The following SIRPB1 variants were observed in gnomAD, a reference collection of about 807,000 sequenced individuals.
The protein encoded by SIRPB1 is signal-regulatory protein beta-1.
A neutral mutation model predicts 34.1 loss-of-function variants in SIRPB1; 28 were observed. The ratio of observed to expected loss-of-function variants is 0.82; its 90% CI spans 0.61 to 1.12. The LOEUF (loss-of-function observed/expected upper bound fraction) is 1.12, where lower values mean the gene tolerates loss of function less well. Ranked by LOEUF, SIRPB1 falls within the 50% of genes most tolerant of loss-of-function variation. The probability of loss-of-function intolerance (pLI) is 0.00; values close to 1 mark genes in which losing one functional copy is unlikely to be tolerated. For missense variants in SIRPB1, 499 were observed against 507.0 expected (o/e 0.98, Z 0.15); for synonymous variants, 211 against 203.8 (o/e 1.04, Z -0.30).
chr20:1,601,765 T>C, intron 1 of SIRPB1, among the ~76,000 whole-genome samples: 1 of 48,802 alleles, frequency 2.0e-5, no homozygotes, highest in Admixed American at 1.4e-4. Context: ...GATTCATCTC[T>C]TCCGGCTCCT....
In SIRPB1 at chr20:1,592,045, C is replaced by T. The variant is rs1272298269; in HGVS notation, c.77-13351G>A. On this transcript the variant is annotated intron_variant, in intron 1 of 5. Transcript: ENST00000381605. ...TTCTCTCTCCTGCTGCCATGTAAGA[C>T]ATTCCTTGTTTCCCCTTCACCTTCT... Among the ~76,000 whole-genome samples, 2 of 49,570 alleles carry T rather than the reference C, an allele frequency of 4.0e-5. 1 individual carries two copies. The highest frequency in any genetic ancestry group is 2.7e-4 in the African/African-American group (2 of 7,546). The allele number at this position is 49,570 out of a possible 152,430, so 32.5% of individuals were successfully genotyped here. A position where few individuals can be genotyped will look rare whatever the true frequency, so the allele number is the denominator to read the frequency against.
At chr20:1,570,231 G>C (rs2091207093) in intron 4 of SIRPB1, among the ~76,000 whole-genome samples, 1 of 152,216 alleles carries the variant, frequency 6.6e-6, no homozygotes, top group African/African-American at 2.4e-5. Flanking sequence ...GTGCAGAGTG[G>C]TTGTGATTAT....
At chr20:1,572,984 C>A (rs548440301) in intron 2 of SIRPB1, among the ~76,000 whole-genome samples, 2 of 147,820 alleles carry the variant, frequency 1.4e-5, no homozygotes, top group Admixed American at 1.3e-4. Flanking sequence ...TGAACTGTTT[C>A]CAAAAACAAC....
intron 4 of SIRPB1, among the ~76,000 whole-genome samples, chr20:1,568,944 T>C (rs1046369408): frequency 3.3e-5 from 5 of 152,004 alleles, no homozygotes; most frequent in African/African-American, 7.2e-5. Flanking sequence ...AACTCTAGCA[T>C]GACTGATGAA....
chr20:1,614,439 C>G lies in SIRPB1; in HGVS notation c.76+5430G>C, dbSNP rs150131104. Among the ~76,000 whole-genome samples, 9 of 152,294 alleles carry G rather than the reference C, an allele frequency of 5.9e-5. No homozygotes were observed. The East Asian group carries it at 1.7e-3, about 29-fold the overall frequency. ...GCTGGTCCCTGCCACAATTCCTCTT[C>G]TTGTCCTCCTCTACTGTGACCTAGT... is the stretch of plus-strand genomic sequence containing the variant. On this transcript the variant is annotated intron_variant, in intron 1 of 5. Transcript: ENST00000381605.
At position 1,564,683 on chromosome 20, in the gene SIRPB1, G is replaced by C. The variant is rs890668885; in HGVS notation, c.*817C>G. 5.3e-6 allele frequency: 2 copies of C among 376,406 alleles called. No individual in the cohort carries two copies. The highest frequency in any genetic ancestry group is 9.4e-6 in the Non-Finnish European group (2 of 212,508). The allele number at this position is 376,406 out of a possible 1,614,324, so 23.3% of individuals were successfully genotyped here. ...CCAATTGTTAAATTTCAGGAATCTT[G>C]CAATCTGGTTGTTTAACTGTTGGCA... On this transcript the variant is annotated 3_prime_UTR_variant, in exon 6 of 6. Transcript: ENST00000381605.
chr20:1,601,833 C>G lies in SIRPB1; in HGVS notation c.76+18036G>C, dbSNP rs1188889193. 4.1e-5 allele frequency among the ~76,000 whole-genome samples: 2 copies of G among 48,266 alleles called. 1 individual carries two copies. The highest frequency in any genetic ancestry group is 2.8e-4 in the African/African-American group (2 of 7,262). The allele number at this position is 48,266 out of a possible 152,430, so 31.7% of individuals were successfully genotyped here. On this transcript the variant is annotated intron_variant, in intron 1 of 5. Coordinates refer to ENST00000381605, the MANE Select transcript of SIRPB1 (RefSeq NM_006065.5). ...ATGAGGAGCAGGCATAGGAGAACTT[C>G]CAAGGTGAAAAAGGAAGGCAGACTG...
At chr20:1,614,175 T>C (rs1437032205) in intron 1 of SIRPB1, among the ~76,000 whole-genome samples, 2 of 152,074 alleles carry the variant, frequency 1.3e-5, no homozygotes, top group Non-Finnish European at 2.9e-5. Flanking sequence ...AAGGGAGAAA[T>C]TACGATATTC....
chr20:1,566,398 C>G, intron 4 of SIRPB1, 131 bp from the exon 5 acceptor site: 2 of 567,896 alleles, frequency 3.5e-6, no homozygotes, highest in South Asian at 4.4e-5. Context: ...GCATCCTGCT[C>G]TGGCTTTCCT....
intron 4 of SIRPB1, among the ~76,000 whole-genome samples, chr20:1,567,765 G>A (rs139109888): frequency 1.1e-4 from 17 of 152,256 alleles, no homozygotes; most frequent in South Asian, 8.3e-4. Context: ...GGAAATGGTC[G>A]TTATAAGAAC....
At chr20:1,568,655 G>A (rs575856833) in intron 4 of SIRPB1, among the ~76,000 whole-genome samples, 129 of 152,250 alleles carry the variant, frequency 8.5e-4, no homozygotes, top group Middle Eastern at 3.4e-3. Flanking sequence ...CCAAACAGCA[G>A]GGACTCTATG....
chr20:1,615,001 A>G (rs1431383603), intron 1 of SIRPB1, among the ~76,000 whole-genome samples: 1 of 152,198 alleles, frequency 6.6e-6, no homozygotes, highest in Admixed American at 6.5e-5. Flanking sequence ...AGAGCACAAG[A>G]TGATATAACA....
chr20:1,617,039 A>G (rs939703820), intron 1 of SIRPB1, among the ~76,000 whole-genome samples: 1 of 152,220 alleles, frequency 6.6e-6, no homozygotes, highest in Non-Finnish European at 1.5e-5. Context: ...AAAGATGATA[A>G]CTAGTTTTGG....
intron 4 of SIRPB1, 138 bp downstream of exon 4, chr20:1,570,667 A>T: frequency 2.7e-6 from 2 of 729,080 alleles, no homozygotes; most frequent in Non-Finnish European, 4.5e-6. Flanking sequence ...GTGGTGACCC[A>T]TGGAGTGTAG....
rs372398267 is a variant in SIRPB1, at chr20:1,578,600, C to T, written c.171G>A (p.Thr57=). ...TGATGGGCCCCACAGGGATCAGGGA[C>T]GTCATAGCACAGCGCAGAGTGGCCG... ...GESATLRCAM[T]SLIPVGPIMW... Residue 57 remains threonine (T), a synonymous_variant, in exon 2 of 6, where the codon ACG becomes ACA. Coordinates refer to ENST00000381605, the MANE Select transcript of SIRPB1 (RefSeq NM_006065.5). The T allele has an allele frequency of 2.3e-5, 37 of 1,578,490 alleles. 2 individuals carry two copies. The highest frequency in any genetic ancestry group is 5.4e-5 in the African/African-American group (4 of 73,844).
chr20:1,563,249 T>C lies in SIRPB1; in HGVS notation c.*2251A>G, dbSNP rs7274052. On this transcript the variant is annotated 3_prime_UTR_variant, in exon 6 of 6. Coordinates refer to ENST00000381605, the MANE Select transcript of SIRPB1 (RefSeq NM_006065.5). Reference sequence around the variant, plus strand: ...TGGCTCATGCCTGTAATCCCAGCACTTTGGGAGGCCAAGACAGGTGGATCA... The same window carrying C: ...TGGCTCATGCCTGTAATCCCAGCACCTTGGGAGGCCAAGACAGGTGGATCA... Among the ~76,000 whole-genome samples the C allele has an allele frequency of 0.11, 16,544 of 152,166 alleles. 1,104 individuals are homozygous for C. Among genetic ancestry groups the C allele is most frequent in the Middle Eastern group, 0.14 (42 of 294 alleles).
chr20:1,562,432 C>T lies in SIRPB1; in HGVS notation c.*3068G>A, dbSNP rs1049404568. On this transcript the variant is annotated 3_prime_UTR_variant, in exon 6 of 6. Coordinates refer to ENST00000381605, the MANE Select transcript of SIRPB1 (RefSeq NM_006065.5). ...TCTGGCAACTGAGGATACAGATAATCCTCCCCCACCCCCAACCCCCCACGA... is the reference window on the plus strand; with the variant it reads ...TCTGGCAACTGAGGATACAGATAATTCTCCCCCACCCCCAACCCCCCACGA... Among the ~76,000 whole-genome samples the T allele has an allele frequency of 1.3e-5, 2 of 151,642 alleles. No homozygotes were observed. Among genetic ancestry groups the T allele is most frequent in the Non-Finnish European group, 2.9e-5 (2 of 67,954 alleles).
At chr20:1,617,456 T>C (rs1386598988) in intron 1 of SIRPB1, among the ~76,000 whole-genome samples, 1 of 152,206 alleles carries the variant, frequency 6.6e-6, no homozygotes, top group African/African-American at 2.4e-5. Context: ...TACTGCATAA[T>C]GTCTCTCATA....
chr20:1,565,074 A>C lies in SIRPB1; in HGVS notation c.*426T>G. The C allele has an allele frequency of 2.5e-6, 1 of 398,602 alleles. No homozygotes were observed. The highest frequency in any genetic ancestry group is 4.4e-6 in the Non-Finnish European group (1 of 226,086). 24.7% of individuals were successfully genotyped at this position (398,602 alleles called of 1,614,324 possible). A position where few individuals can be genotyped will look rare whatever the true frequency, so the allele number is the denominator to read the frequency against. On this transcript the variant is annotated 3_prime_UTR_variant, in exon 6 of 6. Coordinates refer to ENST00000381605, the MANE Select transcript of SIRPB1 (RefSeq NM_006065.5). Reference sequence around the variant, plus strand: ...ATCATTTTTTTCTTAAAATTGGTATAGGGGTTCATGTGTATTCAGGAGGCA... The same window carrying C: ...ATCATTTTTTTCTTAAAATTGGTATCGGGGTTCATGTGTATTCAGGAGGCA...
Sources: gnomAD v4.1 joint callset for allele counts (sites outside exome capture counted in the v4.1 genomes callset) on GRCh38, gnomAD v4.1.1 for gene constraint, MANE v1.5 for transcripts, NCBI Gene and HGNC (gene_info 2026-07-23, HGNC 2026-07-21) for gene names.